The following IDI1 variants were observed in gnomAD, a reference collection of about 807,000 sequenced individuals.
The protein encoded by IDI1 is isopentenyl-diphosphate delta isomerase 1, also known as isopentenyl-diphosphate Delta-isomerase 1.
In IDI1, 23 loss-of-function variants were observed where a neutral mutation model predicts 32.9. That is an observed-to-expected ratio of 0.70 (90% CI 0.50 to 0.99). IDI1 has a LOEUF of 0.99. Among genes scored for constraint, IDI1 ranks in the 50% least tolerant of loss-of-function variants. IDI1 has a pLI of 0.00. For missense variants in IDI1, 326 were observed against 351.9 expected (o/e 0.93, Z 0.59); for synonymous variants, 133 against 128.2 (o/e 1.04, Z -0.25).
chr10:1,049,196 C>T (rs957404620), upstream of IDI1: 4 of 964,210 alleles, frequency 4.1e-6, no homozygotes, highest in Non-Finnish European at 1.4e-6. Flanking sequence ...CAGCGTCCCG[C>T]GACTGGGCGG....
Position 1,049,041 on chromosome 10 carries a change from C to A in IDI1, c.-38G>T, listed in dbSNP as rs1358187801. On this transcript the variant is annotated 5_prime_UTR_variant, in exon 1 of 5. Coordinates refer to ENST00000381344, the MANE Select transcript of IDI1 (RefSeq NM_004508.4). Reference sequence around the variant, plus strand: ...TGGCGCCCGTACGCGCTTGACGACACAATCTCGCCAAGCTTCGCCTGGTGG... The same window carrying A: ...TGGCGCCCGTACGCGCTTGACGACAAAATCTCGCCAAGCTTCGCCTGGTGG... 2 of 1,457,238 alleles carry A rather than the reference C, an allele frequency of 1.4e-6. No homozygotes were observed. Among genetic ancestry groups the A allele is most frequent in the African/African-American group, 1.5e-5 (1 of 67,468 alleles). 90.3% of individuals were successfully genotyped at this position (1,457,238 alleles called of 1,614,324 possible).
In IDI1 at chr10:1,041,513, T is replaced by C; in HGVS notation, c.538-9A>G. On this transcript the variant is annotated splice_polypyrimidine_tract_variant and intron_variant, in intron 4 of 4. Transcript: ENST00000381344. ...ATTTCTTCTGGAGGAACCTAAGACA[T>C]TAAAAAAAAAAAAGTAATTAAAACA... 7.0e-7 allele frequency: 1 copy of C among 1,428,476 alleles called. No homozygotes were observed. Among genetic ancestry groups the C allele is most frequent in the Non-Finnish European group, 9.4e-7 (1 of 1,068,600 alleles). The allele number at this position is 1,428,476 out of a possible 1,614,324, so 88.5% of individuals were successfully genotyped here.
rs1832561188 is a variant in IDI1 at position 1,041,028 on chromosome 10, C to T, written c.*159G>A. The stretch of plus-strand genomic sequence containing the variant: ...AAATTATAAGTTAGTTTTTTCCACA[C>T]AAGTTTTAAAGTATCAGTGTATATA... On this transcript the variant is annotated 3_prime_UTR_variant, in exon 5 of 5. Transcript: ENST00000381344. 1.9e-6 allele frequency: 1 copy of T among 517,958 alleles called. No individual in the cohort carries two copies. The highest frequency in any genetic ancestry group is 3.5e-5 in the South Asian group (1 of 28,372). The allele number at this position is 517,958 out of a possible 1,614,324, so 32.1% of individuals were successfully genotyped here.
chr10:1,046,372 C>T (rs184970876), intron 1 of IDI1, among the ~76,000 whole-genome samples: 21 of 152,304 alleles, frequency 1.4e-4, no homozygotes, highest in African/African-American at 4.8e-4. Flanking sequence ...CAAATACTTG[C>T]TGTTGTGTTA....
At chr10:1,044,298 C>G in intron 1 of IDI1, 127 bp from the exon 2 acceptor site, 1 of 662,420 alleles carries the variant, frequency 1.5e-6, no homozygotes, top group Non-Finnish European at 2.5e-6. Context: ...ACAGGGACCC[C>G]AAGAACGCTG....
chr10:1,056,234 G>A, the IDI1 span, among the ~76,000 whole-genome samples: 2 of 152,258 alleles, frequency 1.3e-5, no homozygotes. Flanking sequence ...AGAGCGTTGA[G>A]ACGGCTGTTT....
upstream of IDI1, among the ~76,000 whole-genome samples, chr10:1,051,623 T>C (rs144857958): frequency 3.3e-5 from 5 of 152,322 alleles, no homozygotes; most frequent in Non-Finnish European, 5.9e-5. Context: ...CATTTTGTTA[T>C]AGAGAATATT....
intron 1 of IDI1, among the ~76,000 whole-genome samples, chr10:1,045,686 C>G (rs1227444385): frequency 6.6e-6 from 1 of 152,240 alleles, no homozygotes; most frequent in African/African-American, 2.4e-5. Context: ...ATGCTGATCT[C>G]GAACTCCTAA....
upstream of IDI1, chr10:1,049,290 T>C (rs949725504): frequency 8.9e-6 from 4 of 451,976 alleles, no homozygotes; most frequent in Non-Finnish European, 1.5e-5. Flanking sequence ...GTGCCTAACG[T>C]CAGACGTCTC....
rs1441002355 is a variant in IDI1, at chr10:1,040,749, T to C, written c.*438A>G. On this transcript the variant is annotated 3_prime_UTR_variant, in exon 5 of 5. Transcript: ENST00000381344. ...TTGAAGGAGCGAGACAATAGTTTCC[T>C]TTGCACATTTTTCTGAACTATGAGA... The C allele has an allele frequency of 6.3e-6, 1 of 157,672 alleles. No individual in the cohort carries two copies. Among genetic ancestry groups the C allele is most frequent in the Non-Finnish European group, 1.4e-5 (1 of 71,362 alleles). 9.8% of individuals were successfully genotyped at this position (157,672 alleles called of 1,614,324 possible). A position where few individuals can be genotyped will look rare whatever the true frequency, so the allele number is the denominator to read the frequency against.
At chr10:1,051,127 T>C (rs979013652), upstream of IDI1, among the ~76,000 whole-genome samples, 1 of 152,220 alleles carries the variant, frequency 6.6e-6, no homozygotes, top group Non-Finnish European at 1.5e-5. Flanking sequence ...TGAAATGTCA[T>C]GCATTGGTCA....
Position 1,041,204 on chromosome 10 carries a change from T to A in IDI1, c.838A>T (p.Lys280Ter). ...CTACATATTCACATTCTGTATATTT[T>A]CTCATGGTCAACAAACTGATTCAAA... ...NHLNQFVDHEKIYRM is the reference protein window; with the variant it reads ...NHLNQFVDHE Residue 280 changes from lysine (K) to a stop codon, truncating the protein, a stop_gained, in exon 5 of 5, where the codon AAA (lysine) becomes TAA (stop). Coordinates refer to ENST00000381344, the MANE Select transcript of IDI1 (RefSeq NM_004508.4). LOFTEE classifies it high-confidence loss of function. 1 of 1,599,060 alleles carries A rather than the reference T, an allele frequency of 6.3e-7. No homozygotes were observed. The highest frequency in any genetic ancestry group is 8.6e-7 in the Non-Finnish European group (1 of 1,168,768).
At position 1,041,347 on chromosome 10, in the gene IDI1, G is replaced by A. The variant is rs777883073; in HGVS notation, c.695C>T (p.Ser232Leu). 6.2e-7 allele frequency: 1 copy of A among 1,613,576 alleles called. No homozygotes were observed. The highest frequency in any genetic ancestry group is 1.7e-5 in the Admixed American group (1 of 60,014). The change falls in exon 5 of 5, where the codon TCA becomes TTA. Residue 232 changes from serine (S) to leucine (L), a missense_variant. Coordinates refer to ENST00000381344, the MANE Select transcript of IDI1 (RefSeq NM_004508.4). ...CAGAAGTTCTTTTAGTTCTTCCTTT[G>A]ACACATAACAATAGCTTTTAATCTC... ...PNEIKSYCYV[S>L]KEELKELLKK...
rs547029647 is a variant in IDI1, at chr10:1,043,456, C to T, written c.314-63G>A. On this transcript the variant is annotated intron_variant, in intron 2 of 4. Transcript: ENST00000381344. ...GTACCAGTTATTTGCCAAATTCTCT[C>T]CCTGCAGTTCAGAATAACATTAGTA... The T allele has an allele frequency of 7.0e-4, 688 of 978,236 alleles. 1 individual carries two copies. Among genetic ancestry groups the T allele is most frequent in the Non-Finnish European group, 1.0e-3 (631 of 601,250 alleles). 60.6% of individuals were successfully genotyped at this position (978,236 alleles called of 1,614,324 possible). A position where few individuals can be genotyped will look rare whatever the true frequency, so the allele number is the denominator to read the frequency against.
chr10:1,048,240 T>C lies in IDI1; in HGVS notation c.140+624A>G, dbSNP rs761104063. The C allele has an allele frequency of 3.1e-6, 4 of 1,302,626 alleles. No individual in the cohort carries two copies. The South Asian group carries it at 4.9e-5, about 16-fold the overall frequency. The allele number at this position is 1,302,626 out of a possible 1,614,324, so 80.7% of individuals were successfully genotyped here. A position where few individuals can be genotyped will look rare whatever the true frequency, so the allele number is the denominator to read the frequency against. On this transcript the variant is annotated intron_variant, in intron 1 of 4. Transcript: ENST00000381344. Reference sequence around the variant, plus strand: ...ATAATCACAAGATAAAATGAATACGTCTATTTATGCGTTTAAAGAATACCA... The same window carrying C: ...ATAATCACAAGATAAAATGAATACGCCTATTTATGCGTTTAAAGAATACCA...
rs143527616 is a variant in IDI1 at position 1,041,448 on chromosome 10, A to G, written c.594T>C (p.Asp198=). The change falls in exon 5 of 5, where the codon GAT becomes GAC. Residue 198 remains aspartate (D), a synonymous_variant. Transcript: ENST00000381344. Reference sequence around the variant, plus strand: ...CAATTTCATGTTCACCCCAGATACCATCAGACTGAGCTTTGTAGTGAATTC... The same window carrying G: ...CAATTTCATGTTCACCCCAGATACCGTCAGACTGAGCTTTGTAGTGAATTC... The part of the protein sequence containing the change: ...LTRIHYKAQS[D]GIWGEHEIDY... 2.5e-6 allele frequency: 4 copies of G among 1,610,436 alleles called. No individual in the cohort carries two copies. The African/African-American group carries it at 5.3e-5, about 22-fold the overall frequency.
At chr10:1,045,898 T>G (rs1832794524) in intron 1 of IDI1, among the ~76,000 whole-genome samples, 1 of 151,160 alleles carries the variant, frequency 6.6e-6, no homozygotes, top group African/African-American at 2.4e-5. Flanking sequence ...TGTGTGTGAA[T>G]GCGTGTGTCA....
intron 4 of IDI1, among the ~76,000 whole-genome samples, chr10:1,041,980 T>C (rs1190827647): frequency 5.9e-5 from 9 of 152,136 alleles, no homozygotes; most frequent in Middle Eastern, 6.8e-3. Context: ...AGCTAGTTTT[T>C]GTATTTTTAG....
At chr10:1,041,975 G>A (rs1589049062) in intron 4 of IDI1, among the ~76,000 whole-genome samples, 1 of 151,684 alleles carries the variant, frequency 6.6e-6, no homozygotes, top group Non-Finnish European at 1.5e-5. Context: ...TGCCCAGCTA[G>A]TTTTTGTATT....
Sources: allele counts gnomAD v4.1 joint callset (sites outside exome capture counted in the v4.1 genomes callset), GRCh38; gene constraint gnomAD v4.1.1; transcripts MANE v1.5; gene names NCBI Gene and HGNC (gene_info 2026-07-23, HGNC 2026-07-21).